The following KCNG2 variants were observed in gnomAD, a reference collection of about 807,000 sequenced individuals.
KCNG2 encodes voltage-gated potassium channel regulatory subunit KCNG2.
KCNG2 carries 7 observed loss-of-function variants against 12.3 expected under a neutral mutation model. The observed-to-expected ratio is 0.57, with a 90% CI of 0.32 to 1.07. The LOEUF (loss-of-function observed/expected upper bound fraction) is 1.07, where lower values mean the gene tolerates loss of function less well. Ranked by LOEUF, KCNG2 falls within the 50% of genes least tolerant of loss-of-function variation. The pLI is 0.04. For synonymous variants in KCNG2, 414 were observed against 351.4 expected (o/e 1.18, Z -1.99); for missense variants, 703 against 726.0 (o/e 0.97, Z 0.36).
chr18:79,811,768 T>C, intron 1 of KCNG2, among the ~76,000 whole-genome samples: 1 of 151,978 alleles, frequency 6.6e-6, no homozygotes, highest in East Asian at 1.9e-4. Context: ...AGCAAAGAAA[T>C]GAAAGATATA....
At chr18:79,804,696 A>G (rs552429785) in intron 1 of KCNG2, among the ~76,000 whole-genome samples, 2 of 152,388 alleles carry the variant, frequency 1.3e-5, no homozygotes, top group South Asian at 4.1e-4. Flanking sequence ...AAAGAAGCCA[A>G]CAGTGAGCCC....
intron 3 of KCNG2, among the ~76,000 whole-genome samples, chr18:79,888,180 T>C (rs1750419187): frequency 6.6e-6 from 1 of 150,736 alleles, no homozygotes; most frequent in Admixed American, 6.6e-5. Context: ...GAGGAGGCCA[T>C]GGGGAGCACC....
chr18:79,808,063 G>A (rs1395178111), intron 1 of KCNG2, among the ~76,000 whole-genome samples: 2 of 132,510 alleles, frequency 1.5e-5, no homozygotes, highest in Non-Finnish European at 3.2e-5. Context: ...CAGAGTCCTC[G>A]CCCTGAGGAG....
intron 3 of KCNG2, among the ~76,000 whole-genome samples, chr18:79,869,058 G>T (rs1979724451): frequency 6.6e-6 from 1 of 152,094 alleles, no homozygotes; most frequent in Non-Finnish European, 1.5e-5. Flanking sequence ...CCAGGTGCAG[G>T]GGTGGGGATG....
chr18:79,899,443 C>T lies in KCNG2; in HGVS notation c.1028C>T (p.Ala343Val). The change falls in exon 4 of 4, where the codon GCC becomes GTC. Residue 343 changes from alanine to valine, a missense_variant. Physicochemically the swap from Ala to Val is moderately conservative, Grantham distance 64. Coordinates refer to ENST00000316249, the MANE Select transcript of KCNG2 (RefSeq NM_012283.2). The stretch of plus-strand genomic sequence containing the variant: ...CTCTTCGCGCCACTGGTGCACCTGG[C>T]CGAGCGCGAGCTGGGCGCGCGCCGC... ...MALFAPLVHL[A>V]ERELGARRDF... The T allele has an allele frequency of 6.3e-7, 1 of 1,596,152 alleles. No homozygotes were observed. The highest frequency in any genetic ancestry group is 2.3e-5 in the East Asian group (1 of 44,134).
rs183948926 is a variant in KCNG2 at position 79,856,876 on chromosome 18, G to A, written c.-41+424G>A. ...AGGCCGGCAGGTTGGAACCTTCAGA[G>A]CCTTTAATCCCCCAGAGCGCTTGAC... On this transcript the variant is annotated intron_variant, in intron 2 of 3. Coordinates refer to ENST00000316249, the MANE Select transcript of KCNG2 (RefSeq NM_012283.2). Among the ~76,000 whole-genome samples the A allele has an allele frequency of 5.9e-5, 9 of 151,968 alleles. No homozygotes were observed. The East Asian group carries it at 1.8e-3, about 30-fold the overall frequency.
intron 1 of KCNG2, among the ~76,000 whole-genome samples, chr18:79,843,374 G>T (rs1978524162): frequency 6.6e-6 from 1 of 152,060 alleles, no homozygotes; most frequent in African/African-American, 2.4e-5. Flanking sequence ...TGAAATGAAA[G>T]CTCACTAATA....
Position 79,899,043 on chromosome 18 carries a change from G to A in KCNG2, c.628G>A (p.Glu210Lys), listed in dbSNP as rs867780231. 5.1e-6 allele frequency: 8 copies of A among 1,556,480 alleles called. No homozygotes were observed. Among genetic ancestry groups the A allele is most frequent in the Non-Finnish European group, 6.9e-6 (8 of 1,154,522 alleles). ...CCCGTGTCCCCTCTCCCCGCAGGGC[G>A]AGTGCTCCCCCAAGTGCCGCAGCCT... ...PDIRAEEERG[E>K]CSPKCRSLFV... is the part of the protein sequence containing the mutation. Residue 210 changes from glutamate to lysine, a missense_variant, in exon 4 of 4, where the codon GAG becomes AAG. By Grantham distance (56) the Glu-to-Lys change is moderately conservative (BLOSUM62 1). Transcript: ENST00000316249.
intron 1 of KCNG2, among the ~76,000 whole-genome samples, chr18:79,832,172 A>G (rs1978299701): frequency 6.6e-6 from 1 of 150,990 alleles, no homozygotes; most frequent in Non-Finnish European, 1.5e-5. Flanking sequence ...TCAGCTGCCC[A>G]TCCTCACCTG....
chr18:79,885,213 C>G (rs1249129049), intron 3 of KCNG2, among the ~76,000 whole-genome samples: 3 of 152,172 alleles, frequency 2.0e-5, no homozygotes, highest in Non-Finnish European at 4.4e-5. Context: ...CACAGAAAAC[C>G]CTGAATGTCT....
chr18:79,873,125 GAC>G (rs1823922921), intron 3 of KCNG2, among the ~76,000 whole-genome samples: 1 of 152,172 alleles, frequency 6.6e-6, no homozygotes, highest in African/African-American at 2.4e-5. Flanking sequence ...GTTTTGGAAA[GAC>G]AGCACTCGGG....
At chr18:79,821,798 ACAGGC>A (rs987945168) in intron 1 of KCNG2, among the ~76,000 whole-genome samples, 1 of 152,224 alleles carries the variant, frequency 6.6e-6, no homozygotes, top group African/African-American at 2.4e-5. Flanking sequence ...CTGTCTGTCC[ACAGGC>A]CAGGCCATGC....
intron 1 of KCNG2, among the ~76,000 whole-genome samples, chr18:79,856,178 T>C (rs540177199): frequency 1.2e-4 from 18 of 152,380 alleles, no homozygotes; most frequent in African/African-American, 4.1e-4. Flanking sequence ...TATCCACTTA[T>C]TTTAATAATT....
intron 3 of KCNG2, among the ~76,000 whole-genome samples, chr18:79,889,334 G>A (rs1014263625): frequency 2.0e-5 from 3 of 152,158 alleles, no homozygotes; most frequent in Admixed American, 6.5e-5. Context: ...TCAGGTAAGC[G>A]CTCAGCTGGA....
intron 1 of KCNG2, among the ~76,000 whole-genome samples, chr18:79,854,914 C>T (rs1007259472): frequency 1.3e-5 from 2 of 152,162 alleles, no homozygotes; most frequent in African/African-American, 2.4e-5. Context: ...CTGTGGACCC[C>T]GATGCCTCCA....
At chr18:79,825,286 C>T (rs537082818) in intron 1 of KCNG2, among the ~76,000 whole-genome samples, 3 of 152,276 alleles carry the variant, frequency 2.0e-5, no homozygotes, top group South Asian at 2.1e-4. Context: ...TCAAACGTTA[C>T]ATTTCTTGAA....
At chr18:79,882,699 G>T (rs1209772844) in intron 3 of KCNG2, among the ~76,000 whole-genome samples, 9 of 152,218 alleles carry the variant, frequency 5.9e-5, no homozygotes, top group African/African-American at 2.2e-4. Context: ...GGCCGGCAAG[G>T]CTCAGGACCT....
intron 1 of KCNG2, among the ~76,000 whole-genome samples, chr18:79,813,690 G>A (rs978406927): frequency 3.9e-5 from 6 of 152,178 alleles, no homozygotes; most frequent in African/African-American, 1.4e-4. Context: ...GGACACAGGG[G>A]TAGGCAAAGC....
chr18:79,887,171 CACAGGGAGGGACACAGGACAG>C (rs1980554139), intron 3 of KCNG2, among the ~76,000 whole-genome samples: 1 of 140,388 alleles, frequency 7.1e-6, no homozygotes, highest in African/African-American at 3.2e-5. Flanking sequence ...GGGACAAGGA[CACAGGGAGGGACACAGGACAG>C]ATGGGGACAG....
Sources: allele counts gnomAD v4.1 joint callset (sites outside exome capture counted in the v4.1 genomes callset), GRCh38; gene constraint gnomAD v4.1.1; transcripts MANE v1.5; gene names NCBI Gene and HGNC (gene_info 2026-07-23, HGNC 2026-07-21).